CACNB2: variants seen among roughly 807,000 people sequenced by gnomAD.
CACNB2 encodes voltage-dependent L-type calcium channel subunit beta-2.
Under a neutral mutation model 73.3 loss-of-function variants are expected in CACNB2, and 42 were observed. The ratio of observed to expected loss-of-function variants is 0.57; its 90% CI spans 0.45 to 0.74. The LOEUF (loss-of-function observed/expected upper bound fraction) is 0.74. Among genes scored for constraint, CACNB2 ranks in the 30% least tolerant of loss-of-function variants. The pLI, the probability that CACNB2 is intolerant of heterozygous loss-of-function variation, is 0.00. For missense variants in CACNB2, 940 were observed against 853.0 expected (o/e 1.10, Z -1.27); for synonymous variants, 348 against 310.3 (o/e 1.12, Z -1.28).
chr10:18,525,961 A>C (rs1461502315), intron 9 of CACNB2, among the ~76,000 whole-genome samples: 2 of 152,156 alleles, frequency 1.3e-5, no homozygotes, highest in African/African-American at 4.8e-5. Flanking sequence ...TTAGCTTTTA[A>C]CTGTGAATAA....
In CACNB2 at chr10:18,411,901, A is replaced by C. The variant is rs148446693; in HGVS notation, c.333+9858A>C. Among the ~76,000 whole-genome samples the C allele has an allele frequency of 9.4e-4, 143 of 152,324 alleles. 1 individual carries two copies. The highest frequency in any genetic ancestry group is 1.9e-3 in the Non-Finnish European group (126 of 68,024). On this transcript the variant is annotated intron_variant, in intron 3 of 13. Transcript: ENST00000324631. Reference sequence around the variant, plus strand: ...CTATCAGCAAAATCCTTACTCTCGAAGTTCTTGCTGCAAAACAAACAGATC... The same window carrying C: ...CTATCAGCAAAATCCTTACTCTCGACGTTCTTGCTGCAAAACAAACAGATC...
At chr10:18,454,724 C>A (rs1229958272) in intron 3 of CACNB2, among the ~76,000 whole-genome samples, 3 of 152,166 alleles carry the variant, frequency 2.0e-5, no homozygotes, top group African/African-American at 7.2e-5. Flanking sequence ...ATGGAGGAGA[C>A]AGATGATACT....
intron 2 of CACNB2, among the ~76,000 whole-genome samples, chr10:18,178,687 G>A (rs1019289467): frequency 2.0e-5 from 3 of 152,176 alleles, no homozygotes; most frequent in Non-Finnish European, 4.4e-5. Context: ...CTCTTAGATG[G>A]AAGGTTGAGC....
intron 2 of CACNB2, among the ~76,000 whole-genome samples, chr10:18,197,798 C>T (rs376621742): frequency 3.3e-5 from 5 of 151,904 alleles, no homozygotes; most frequent in South Asian, 2.1e-4. Context: ...TCTCCTGGGG[C>T]GTGAGGCCTC....
intron 3 of CACNB2, among the ~76,000 whole-genome samples, chr10:18,493,167 C>T (rs377607326): frequency 5.3e-5 from 8 of 151,994 alleles, no homozygotes; most frequent in Admixed American, 1.3e-4. Context: ...GCAAATAGTA[C>T]GCTGTCTTTC....
rs2032012359 is a variant in CACNB2, at chr10:18,155,900, TA to T, written c.213+4926del. On this transcript the variant is annotated intron_variant, in intron 2 of 13. Transcript: ENST00000324631. ...GGAGAGAGAGAGAGAGAACATATTATATATATATATATATATATATGTCAAT... is the reference window on the plus strand; with the variant it reads ...GGAGAGAGAGAGAGAGAACATATTATTATATATATATATATATATGTCAAT... 1.3e-3 allele frequency among the ~76,000 whole-genome samples: 57 copies of T among 42,606 alleles called. 1 individual carries two copies. The East Asian group carries it at 0.026, about 19-fold the overall frequency. The allele number at this position is 42,606 out of a possible 152,430, so 28.0% of individuals were successfully genotyped here.
intron 3 of CACNB2, among the ~76,000 whole-genome samples, chr10:18,407,369 G>A (rs950489821): frequency 4.6e-5 from 7 of 151,860 alleles, no homozygotes; most frequent in African/African-American, 1.2e-4. Context: ...TGATCCATCT[G>A]CCTCGGTCTC....
Position 18,540,184 on chromosome 10 carries a change from G to GCTGGCTGA in CACNB2, c.*463_*464insGCTGACTG. The GCTGGCTGA allele has an allele frequency of 5.4e-6, 1 of 184,502 alleles. No homozygotes were observed. The highest frequency in any genetic ancestry group is 1.1e-5 in the Non-Finnish European group (1 of 87,108). The allele number at this position is 184,502 out of a possible 1,614,324, so 11.4% of individuals were successfully genotyped here. A position where few individuals can be genotyped will look rare whatever the true frequency, so the allele number is the denominator to read the frequency against. ...CCACTGTTTCTTGCTTGTACCTCTGGCTGACTAAATTTGGGGACAGATTCA... is the reference window on the plus strand; with the variant it reads ...CCACTGTTTCTTGCTTGTACCTCTGGCTGGCTGACTGACTAAATTTGGGGACAGATTCA... On this transcript the variant is annotated 3_prime_UTR_variant, in exon 14 of 14. Coordinates refer to ENST00000324631, the MANE Select transcript of CACNB2 (RefSeq NM_201596.3).
At position 18,536,212 on chromosome 10, in the gene CACNB2, ATACAGCATAATCCAGT is replaced by A; in HGVS notation, c.1302+22_1302+37del. ...GTGTCCTCCAGTAAGTTATCTCTAT[ATACAGCATAATCCAGT>A]TACAGAGATCAGACCTTTTTTTTTT... is the stretch of plus-strand genomic sequence containing the variant. On this transcript the variant is annotated intron_variant, in intron 12 of 13. Transcript: ENST00000324631. 9.1e-7 allele frequency: 1 copy of A among 1,093,090 alleles called. No individual in the cohort carries two copies. The highest frequency in any genetic ancestry group is 1.4e-6 in the Non-Finnish European group (1 of 723,180). 67.7% of individuals were successfully genotyped at this position (1,093,090 alleles called of 1,614,324 possible).
At chr10:18,460,596 A>G (rs1255553272) in intron 3 of CACNB2, among the ~76,000 whole-genome samples, 3 of 152,136 alleles carry the variant, frequency 2.0e-5, no homozygotes, top group Admixed American at 2.0e-4. Context: ...TAAAAAAATA[A>G]ATAAAGGATT....
Position 18,184,944 on chromosome 10 carries a change from A to T in CACNB2, c.213+33969A>T, listed in dbSNP as rs556576776. On this transcript the variant is annotated intron_variant, in intron 2 of 13. Coordinates refer to ENST00000324631, the MANE Select transcript of CACNB2 (RefSeq NM_201596.3). ...AGCTTCAACCTCCCAGGCTCAGGCAATCCTGCCACTTCAGCCTCCTGAGTA... is the reference window on the plus strand; with the variant it reads ...AGCTTCAACCTCCCAGGCTCAGGCATTCCTGCCACTTCAGCCTCCTGAGTA... 3.3e-5 allele frequency among the ~76,000 whole-genome samples: 5 copies of T among 152,052 alleles called. No individual in the cohort carries two copies. In the East Asian group the frequency reaches 7.7e-4, roughly 24 times the overall value.
At chr10:18,477,760 C>T (rs140995146) in intron 3 of CACNB2, among the ~76,000 whole-genome samples, 231 of 152,242 alleles carry the variant, frequency 1.5e-3, no homozygotes, top group Non-Finnish European at 2.6e-3. Flanking sequence ...TATATTCCTC[C>T]GGCTTTCAGT....
chr10:18,254,656 A>AATAG (rs1346198014), intron 2 of CACNB2, among the ~76,000 whole-genome samples: 2 of 152,224 alleles, frequency 1.3e-5, no homozygotes, highest in Non-Finnish European at 2.9e-5. Flanking sequence ...GCTGGAATGA[A>AATAG]ATAGAGTGTG....
chr10:18,208,761 T>C (rs1247135310), intron 2 of CACNB2, among the ~76,000 whole-genome samples: 2 of 138,812 alleles, frequency 1.4e-5, no homozygotes, highest in Admixed American at 1.4e-4. Context: ...TCATCTCAGC[T>C]ACTGGAAAGG....
intron 2 of CACNB2, among the ~76,000 whole-genome samples, chr10:18,220,201 G>GTGTA (rs1251166931): frequency 0.017 from 385 of 23,218 alleles, 18 homozygotes; most frequent in South Asian, 0.031. Flanking sequence ...ATATGTGTGT[G>GTGTA]TATATATATA....
At position 18,518,432 on chromosome 10, in the gene CACNB2, C is replaced by G. The variant is rs749468128; in HGVS notation, c.885+16C>G. On this transcript the variant is annotated intron_variant, in intron 8 of 13. Transcript: ENST00000324631. ...GGGCTACGAGGTGGGTAGCAGCCTT[C>G]CACAGGAAGCTTAACTTGCATGCTG... 1.3e-6 allele frequency: 2 copies of G among 1,534,840 alleles called. No individual in the cohort carries two copies. The highest frequency in any genetic ancestry group is 2.7e-5 in the African/African-American group (2 of 73,402).
At chr10:18,326,480 C>T (rs757384915) in intron 2 of CACNB2, among the ~76,000 whole-genome samples, 13 of 152,106 alleles carry the variant, frequency 8.5e-5, no homozygotes, top group African/African-American at 1.7e-4. Context: ...GGAGAAGGAG[C>T]GGGTGGAAGT....
chr10:18,195,619 G>C (rs914562821), intron 2 of CACNB2, among the ~76,000 whole-genome samples: 4 of 152,226 alleles, frequency 2.6e-5, no homozygotes, highest in African/African-American at 9.6e-5. Context: ...TGGGATGCAC[G>C]TGCCAAGAAT....
At chr10:18,232,209 A>T (rs554337595) in intron 2 of CACNB2, among the ~76,000 whole-genome samples, 14 of 152,340 alleles carry the variant, frequency 9.2e-5, no homozygotes, top group African/African-American at 3.4e-4. Context: ...TAATATTTCT[A>T]ACAGTGTCCA....
Sources: allele counts gnomAD v4.1 joint callset (sites outside exome capture counted in the v4.1 genomes callset), GRCh38; gene constraint gnomAD v4.1.1; transcripts MANE v1.5; gene names NCBI Gene and HGNC (gene_info 2026-07-23, HGNC 2026-07-21).